Variants in ZNF469 observed in about 807,000 individuals in gnomAD.
The protein encoded by ZNF469 is zinc finger protein 469.
Under a neutral mutation model 1.0 loss-of-function variants are expected in ZNF469, and 1 was observed. The ratio of observed to expected loss-of-function variants is 1.00; its 90% CI spans 0.35 to 4.73. The LOEUF is 4.73. Among genes scored for constraint, ZNF469 ranks in the 30% most tolerant of loss-of-function variants. The pLI is 0.16. For synonymous variants in ZNF469, 2,703 were observed against 2,363.4 expected (o/e 1.14, Z -4.17); for missense variants, 6,100 against 5,356.3 (o/e 1.14, Z -4.33).
chr16:88,366,315 C>G, the ZNF469 span, among the ~76,000 whole-genome samples: 8 of 151,750 alleles, frequency 5.3e-5, 1 homozygote, highest in Admixed American at 4.6e-4. Context: ...TCATCACTAT[C>G]ACCGTCATTA....
At chr16:88,113,178 C>A in the ZNF469 span, among the ~76,000 whole-genome samples, 1 of 152,148 alleles carries the variant, frequency 6.6e-6, no homozygotes, top group East Asian at 1.9e-4. Flanking sequence ...TTGCCCAGGT[C>A]AATGTCCTGG....
the ZNF469 span, among the ~76,000 whole-genome samples, chr16:88,158,408 T>G: frequency 5.3e-5 from 8 of 151,722 alleles, no homozygotes; most frequent in Non-Finnish European, 1.2e-4. Flanking sequence ...CAAGGCGACA[T>G]CCTGCCATCT....
chr16:88,252,545 A>T, the ZNF469 span, among the ~76,000 whole-genome samples: 1 of 151,980 alleles, frequency 6.6e-6, no homozygotes, highest in African/African-American at 2.4e-5. Context: ...CACTGTTTAC[A>T]TTTTATGAAG....
chr16:88,126,970 C>T, the ZNF469 span, among the ~76,000 whole-genome samples: 7 of 152,186 alleles, frequency 4.6e-5, no homozygotes, highest in African/African-American at 1.7e-4. Context: ...CAGTCACACG[C>T]CACCACGCCC....
At chr16:88,273,536 C>T in the ZNF469 span, among the ~76,000 whole-genome samples, 1 of 152,148 alleles carries the variant, frequency 6.6e-6, no homozygotes, top group Non-Finnish European at 1.5e-5. Context: ...ACACTGGAAC[C>T]CTCCTGCAAG....
chr16:88,233,886 C>T, the ZNF469 span, among the ~76,000 whole-genome samples: 3 of 152,266 alleles, frequency 2.0e-5, no homozygotes, highest in African/African-American at 4.8e-5. Context: ...CCTGCTCTCT[C>T]GCCCGCAGCC....
At chr16:88,196,047 G>T in the ZNF469 span, among the ~76,000 whole-genome samples, 11 of 152,156 alleles carry the variant, frequency 7.2e-5, no homozygotes, top group African/African-American at 2.7e-4. Flanking sequence ...TGTTTTTCCT[G>T]GAGACCTGTG....
chr16:88,303,790 T>C, the ZNF469 span, among the ~76,000 whole-genome samples: 1 of 152,118 alleles, frequency 6.6e-6, no homozygotes, highest in Non-Finnish European at 1.5e-5. Context: ...GGGCTCCTCA[T>C]CTGGAGAGTG....
Position 88,428,177 on chromosome 16 carries a change from C to G in ZNF469, c.707C>G (p.Pro236Arg). The G allele has an allele frequency of 6.5e-7, 1 of 1,550,274 alleles. No homozygotes were observed. Among genetic ancestry groups the G allele is most frequent in the Non-Finnish European group, 8.7e-7 (1 of 1,146,920 alleles). The change falls in exon 3 of 3, where the codon CCT becomes CGT. Residue 236 changes from proline (P) to arginine (R), a missense_variant. Transcript: ENST00000565624. ...EYQASGADSWPPAAENSFPGA... is the reference protein window; with the variant it reads ...EYQASGADSWRPAAENSFPGA... The stretch of plus-strand genomic sequence containing the variant: ...CAGGCCAGTGGGGCCGACTCCTGGC[C>G]TCCCGCTGCTGAGAATAGCTTCCCA...
At chr16:88,282,948 C>T in the ZNF469 span, among the ~76,000 whole-genome samples, 1 of 152,200 alleles carries the variant, frequency 6.6e-6, no homozygotes, top group Non-Finnish European at 1.5e-5. Flanking sequence ...CCCAGGAATC[C>T]AGAGTATCCT....
chr16:88,321,085 G>A, the ZNF469 span, among the ~76,000 whole-genome samples: 1 of 152,254 alleles, frequency 6.6e-6, no homozygotes, highest in African/African-American at 2.4e-5. Flanking sequence ...TCGGTCCCAG[G>A]TTGACCAGGC....
the ZNF469 span, among the ~76,000 whole-genome samples, chr16:88,341,614 G>A: frequency 5.3e-5 from 8 of 152,234 alleles, no homozygotes; most frequent in Non-Finnish European, 7.3e-5. Flanking sequence ...CAGCTGGGAC[G>A]GAGCCAGGGT....
the ZNF469 span, among the ~76,000 whole-genome samples, chr16:88,142,403 G>C: frequency 1.3e-5 from 2 of 152,338 alleles, no homozygotes; most frequent in African/African-American, 2.4e-5. Context: ...AATCCTGCGA[G>C]GGTTATCCTG....
the ZNF469 span, among the ~76,000 whole-genome samples, chr16:88,251,195 C>T: frequency 3.9e-5 from 6 of 152,286 alleles, no homozygotes; most frequent in East Asian, 7.7e-4. Context: ...TTTTTGATAG[C>T]ACATTTTCCT....
the ZNF469 span, among the ~76,000 whole-genome samples, chr16:88,121,436 A>G: frequency 1.3e-5 from 2 of 152,222 alleles, no homozygotes; most frequent in Admixed American, 6.5e-5. Flanking sequence ...GATTCTGGCC[A>G]TCGGAGGGGC....
At chr16:88,171,529 T>G in the ZNF469 span, among the ~76,000 whole-genome samples, 1 of 152,234 alleles carries the variant, frequency 6.6e-6, no homozygotes, top group Non-Finnish European at 1.5e-5. Context: ...GCTCACAATC[T>G]TGGCTTCAGA....
chr16:88,323,819 G>A, the ZNF469 span, among the ~76,000 whole-genome samples: 136 of 152,292 alleles, frequency 8.9e-4, no homozygotes, highest in African/African-American at 1.5e-3. Flanking sequence ...CTCCCACTCC[G>A]TGCCCCCATC....
chr16:88,128,696 G>A, the ZNF469 span, among the ~76,000 whole-genome samples: 2 of 152,368 alleles, frequency 1.3e-5, no homozygotes, highest in African/African-American at 2.4e-5. Flanking sequence ...CTTTGGTCAC[G>A]TAAACCCCTC....
At chr16:88,267,476 C>T in the ZNF469 span, among the ~76,000 whole-genome samples, 1 of 152,236 alleles carries the variant, frequency 6.6e-6, no homozygotes, top group South Asian at 2.1e-4. Context: ...CTGCTCATCT[C>T]ATGCCCAGGG....
Sources: gnomAD v4.1 joint callset for allele counts (sites outside exome capture counted in the v4.1 genomes callset) on GRCh38, gnomAD v4.1.1 for gene constraint, MANE v1.5 for transcripts, NCBI Gene and HGNC (gene_info 2026-07-23, HGNC 2026-07-21) for gene names.